Variants in ZNF618 observed in about 807,000 individuals in gnomAD.
ZNF618 encodes the protein zinc finger protein 618.
Under a neutral mutation model 103.0 loss-of-function variants are expected in ZNF618, and 34 were observed. The observed-to-expected ratio is 0.33, with a 90% CI of 0.25 to 0.44. The LOEUF (loss-of-function observed/expected upper bound fraction) is 0.44, where lower values mean the gene tolerates loss of function less well. ZNF618 is among the 20% of genes least tolerant of loss of function. ZNF618 has a pLI of 1.00. For synonymous variants in ZNF618, 551 were observed against 542.2 expected (o/e 1.02, Z -0.23); for missense variants, 1,059 against 1,295.4 (o/e 0.82, Z 2.80).
At chr9:113,953,002 G>T (rs1001885483) in intron 1 of ZNF618, among the ~76,000 whole-genome samples, 1 of 152,194 alleles carries the variant, frequency 6.6e-6, no homozygotes, top group African/African-American at 2.4e-5. Context: ...GCACATAATA[G>T]TATCTTAATA....
chr9:113,988,042 C>T (rs1215125361), intron 2 of ZNF618, among the ~76,000 whole-genome samples: 2 of 152,226 alleles, frequency 1.3e-5, no homozygotes, highest in Admixed American at 1.3e-4. Context: ...CAACTGGGCA[C>T]ATCTAGACCT....
intron 13 of ZNF618, among the ~76,000 whole-genome samples, chr9:114,037,417 C>T (rs890195940): frequency 8.5e-5 from 13 of 152,166 alleles, no homozygotes; most frequent in African/African-American, 3.1e-4. Flanking sequence ...AGCCACATGA[C>T]CAGCCTGAAC....
At chr9:113,894,382 G>A (rs1317385033) in intron 1 of ZNF618, among the ~76,000 whole-genome samples, 1 of 152,156 alleles carries the variant, frequency 6.6e-6, no homozygotes, top group Non-Finnish European at 1.5e-5. Context: ...TATGAATTTT[G>A]TTCACAGCCT....
chr9:114,001,746 A>C (rs969917354), intron 4 of ZNF618, among the ~76,000 whole-genome samples: 1 of 152,202 alleles, frequency 6.6e-6, no homozygotes, highest in East Asian at 1.9e-4. Context: ...TACCTTCTCC[A>C]TCTTACAGAT....
intron 1 of ZNF618, among the ~76,000 whole-genome samples, chr9:113,961,165 C>T (rs201382469): frequency 6.6e-6 from 1 of 152,196 alleles, no homozygotes; most frequent in East Asian, 1.9e-4. Flanking sequence ...AGAAGCTCTT[C>T]CTGACCCTGA....
At position 113,898,438 on chromosome 9, in the gene ZNF618, G is replaced by GTTT. The variant is rs11457055; in HGVS notation, c.33+22041_33+22043dup. On this transcript the variant is annotated intron_variant, in intron 1 of 14. Transcript: ENST00000374126. ...CAGTAGCTGCTTCCTCAGATTTTTC[G>GTTT]TTTTTTTTTTTTTTTTTTAAGAGAT... 4.9e-3 allele frequency among the ~76,000 whole-genome samples: 602 copies of GTTT among 124,042 alleles called. 9 individuals carry two copies. Among genetic ancestry groups the GTTT allele is most frequent in the African/African-American group, 0.014 (455 of 32,846 alleles). The allele number at this position is 124,042 out of a possible 152,430, so 81.4% of individuals were successfully genotyped here.
Position 114,049,553 on chromosome 9 carries a change from A to G in ZNF618, c.2251A>G (p.Asn751Asp). The stretch of plus-strand genomic sequence containing the variant: ...GAAGCAGGCAGTCATCGAGCTGAGC[A>G]ACGAGAGCCAGCCCACCCTGCAGCT... ...PVKQAVIELSNESQPTLQLVL... is the reference protein window; with the variant it reads ...PVKQAVIELSDESQPTLQLVL... The change falls in exon 15 of 15, where the codon AAC becomes GAC. Residue 751 changes from asparagine (N) to aspartate (D), a missense_variant. Around this residue, in one of 6 missense-constraint regions of ZNF618, gnomAD observed 272 missense variants for 380.1 expected, o/e 0.72. Coordinates refer to ENST00000374126, the MANE Select transcript of ZNF618 (RefSeq NM_001318042.2). The G allele has an allele frequency of 6.2e-7, 1 of 1,613,878 alleles. No homozygotes were observed. The highest frequency in any genetic ancestry group is 8.5e-7 in the Non-Finnish European group (1 of 1,179,902).
intron 1 of ZNF618, among the ~76,000 whole-genome samples, chr9:113,936,915 T>G (rs1834076215): frequency 6.6e-6 from 1 of 152,214 alleles, no homozygotes; most frequent in South Asian, 2.1e-4. Context: ...GTTGATAAAC[T>G]CTTTGTTTTT....
chr9:113,994,610 A>G (rs1244576385), intron 3 of ZNF618, among the ~76,000 whole-genome samples: 1 of 152,202 alleles, frequency 6.6e-6, no homozygotes, highest in Non-Finnish European at 1.5e-5. Flanking sequence ...TAGGTAGAAT[A>G]AAAGTCTGCC....
chr9:113,953,961 G>A (rs1588141392), intron 1 of ZNF618, among the ~76,000 whole-genome samples: 4 of 152,264 alleles, frequency 2.6e-5, no homozygotes, highest in East Asian at 1.9e-4. Context: ...GAGGGAGATT[G>A]CCCCTGTGGC....
intron 1 of ZNF618, among the ~76,000 whole-genome samples, chr9:113,943,385 T>G (rs1216622625): frequency 6.6e-6 from 1 of 152,098 alleles, no homozygotes; most frequent in African/African-American, 2.4e-5. Flanking sequence ...CAGCAGTGAC[T>G]GCGTGTACAG....
At chr9:113,907,474 C>T (rs1831086044) in intron 1 of ZNF618, among the ~76,000 whole-genome samples, 1 of 152,212 alleles carries the variant, frequency 6.6e-6, no homozygotes, top group Non-Finnish European at 1.5e-5. Flanking sequence ...TCACTGTTCT[C>T]TTGCCACCCC....
intron 1 of ZNF618, among the ~76,000 whole-genome samples, chr9:113,952,602 G>A (rs1835885838): frequency 6.6e-6 from 1 of 152,228 alleles, no homozygotes; most frequent in Admixed American, 6.5e-5. Flanking sequence ...ATAAGCTTGG[G>A]TTCAAGTCCA....
chr9:113,880,220 A>G (rs530946068), intron 1 of ZNF618, among the ~76,000 whole-genome samples: 11 of 152,110 alleles, frequency 7.2e-5, no homozygotes. Context: ...AATTTTTTCC[A>G]TGTTCTTGTG....
intron 7 of ZNF618, among the ~76,000 whole-genome samples, 188 bp from the exon 8 acceptor site, chr9:114,008,156 G>A (rs1342509239): frequency 1.2e-4 from 19 of 152,234 alleles, no homozygotes; most frequent in Admixed American, 1.1e-3. Flanking sequence ...GTCCTGGTTG[G>A]GATGTATCCT....
rs753672865 is a variant in ZNF618 at position 114,049,427 on chromosome 9, G to A, written c.2125G>A (p.Glu709Lys). 3 of 1,604,648 alleles carry A rather than the reference G, an allele frequency of 1.9e-6. No individual in the cohort carries two copies. Residue 709 changes from glutamate (E) to lysine (K), a missense_variant, in exon 15 of 15, where the codon GAG becomes AAG. By Grantham distance (56) the Glu-to-Lys change is moderately conservative. Coordinates refer to ENST00000374126, the MANE Select transcript of ZNF618 (RefSeq NM_001318042.2). ...ACTGTTGCTGGTGCATGAGCGCTATGAGCAGATCTGCGAGTTCTACAGCCG... is the reference window on the plus strand; with the variant it reads ...ACTGTTGCTGGTGCATGAGCGCTATAAGCAGATCTGCGAGTTCTACAGCCG... ...DSLLLVHERY[E>K]QICEFYSRAK...
intron 1 of ZNF618, among the ~76,000 whole-genome samples, chr9:113,949,860 C>G (rs1377599265): frequency 6.6e-6 from 1 of 152,258 alleles, no homozygotes; most frequent in Non-Finnish European, 1.5e-5. Context: ...GTCGCGCCAC[C>G]TGGTAGCGCC....
chr9:114,008,624 C>T, intron 9 of ZNF618, 70 bp downstream of exon 9: 1 of 1,576,484 alleles, frequency 6.3e-7, no homozygotes, highest in Non-Finnish European at 8.7e-7. Flanking sequence ...CTCAGTCTCA[C>T]TGCTAGGGCA....
intron 1 of ZNF618, among the ~76,000 whole-genome samples, chr9:113,945,700 C>T (rs1834956525): frequency 6.6e-6 from 1 of 152,214 alleles, no homozygotes; most frequent in Non-Finnish European, 1.5e-5. Flanking sequence ...GAGTCAGCCT[C>T]TCCCTGTCCC....
Sources: allele counts gnomAD v4.1 joint callset (sites outside exome capture counted in the v4.1 genomes callset), GRCh38; gene constraint gnomAD v4.1.1; regional missense constraint gnomAD v4.1.1; transcripts MANE v1.5; gene names NCBI Gene and HGNC (gene_info 2026-07-23, HGNC 2026-07-21).